The following SGMS2 variants were observed in gnomAD, a reference collection of about 807,000 sequenced individuals.
SGMS2 encodes the protein sphingomyelin synthase 2.
A neutral mutation model predicts 43.8 loss-of-function variants in SGMS2; 21 were observed. That is an observed-to-expected ratio of 0.48 (90% CI 0.34 to 0.69). The LOEUF is 0.69. SGMS2 is among the 30% of genes least tolerant of loss of function. The pLI, the probability that SGMS2 is intolerant of heterozygous loss-of-function variation, is 0.01. For missense variants in SGMS2, 384 were observed against 443.2 expected, an observed-to-expected ratio of 0.87 and a Z score of 1.20; for synonymous variants, 167 against 160.6, an observed-to-expected ratio of 1.04 and a Z score of -0.30.
In SGMS2 at chr4:107,912,809, T is replaced by G. The variant is rs530350273; in HGVS notation, c.*2256T>G. On this transcript the variant is annotated 3_prime_UTR_variant, in exon 7 of 7. Transcript: ENST00000690982. ...AAAAACCATCACCTTTTAAAGAACTTTAAAAACACCTGTGATGCCAATGTG... is the reference window on the plus strand; with the variant it reads ...AAAAACCATCACCTTTTAAAGAACTGTAAAAACACCTGTGATGCCAATGTG... The G allele has an allele frequency of 4.6e-5, 7 of 152,238 alleles. No individual in the cohort carries two copies. The highest frequency in any genetic ancestry group is 1.7e-4 in the African/African-American group (7 of 41,552). The allele number at this position is 152,238 out of a possible 1,614,324, so 9.4% of individuals were successfully genotyped here.
At chr4:107,880,981 C>T (rs369894201) in intron 2 of SGMS2, among the ~76,000 whole-genome samples, 11 of 151,906 alleles carry the variant, frequency 7.2e-5, no homozygotes, top group African/African-American at 2.7e-4. Context: ...AAATTATATA[C>T]CCACGTGTAT....
At chr4:107,829,025 G>T (rs1725747600) in intron 1 of SGMS2, among the ~76,000 whole-genome samples, 1 of 152,202 alleles carries the variant, frequency 6.6e-6, no homozygotes, top group African/African-American at 2.4e-5. Flanking sequence ...GGAGCTCTCT[G>T]AAGGACATTC....
intron 1 of SGMS2, among the ~76,000 whole-genome samples, chr4:107,843,619 G>T (rs1314174993): frequency 1.3e-5 from 2 of 152,128 alleles, no homozygotes; most frequent in Admixed American, 6.6e-5. Flanking sequence ...ACCTGAAAAG[G>T]CTCAAAGATC....
At chr4:107,910,260 T>C in intron 6 of SGMS2, 90 bp from the exon 7 acceptor site, 1 of 1,090,124 alleles carries the variant, frequency 9.2e-7, no homozygotes, top group Non-Finnish European at 1.4e-6. Context: ...CTGTTTTCCC[T>C]AGGTTACAGT....
At chr4:107,891,090 CT>C (rs1338127841) in intron 2 of SGMS2, among the ~76,000 whole-genome samples, 1 of 145,518 alleles carries the variant, frequency 6.9e-6, no homozygotes, top group Non-Finnish European at 1.5e-5. Context: ...AAATTCTTTC[CT>C]TTTTTTTCTT....
intron 2 of SGMS2, among the ~76,000 whole-genome samples, chr4:107,882,575 C>A (rs1448729680): frequency 1.3e-5 from 2 of 151,824 alleles, no homozygotes; most frequent in East Asian, 3.9e-4. Context: ...TTGATTGTTT[C>A]AATTTTTAAA....
intron 1 of SGMS2, among the ~76,000 whole-genome samples, chr4:107,831,109 G>A (rs1228598443): frequency 6.6e-6 from 1 of 152,180 alleles, no homozygotes; most frequent in Non-Finnish European, 1.5e-5. Context: ...AGTAGCCAAG[G>A]GTACAGAGCT....
At chr4:107,849,144 C>T (rs1212687174) in intron 1 of SGMS2, among the ~76,000 whole-genome samples, 3 of 152,078 alleles carry the variant, frequency 2.0e-5, no homozygotes, top group African/African-American at 7.2e-5. Flanking sequence ...TGCTTAATTT[C>T]TGCTTGAGTT....
chr4:107,902,289 C>CAAAAAAAAAAAAAAAAA (rs34388036), intron 4 of SGMS2, among the ~76,000 whole-genome samples: 1 of 124,552 alleles, frequency 8.0e-6, no homozygotes, highest in African/African-American at 3.5e-5. Flanking sequence ...GACCCTGTCT[C>CAAAAAAAAAAAAAAAAA]AAAAAAAAAA....
intron 1 of SGMS2, among the ~76,000 whole-genome samples, chr4:107,829,445 ATCAGT>A (rs1295303118): frequency 6.6e-6 from 1 of 152,190 alleles, no homozygotes; most frequent in Non-Finnish European, 1.5e-5. Context: ...AGATACCCAG[ATCAGT>A]TCACTTTATT....
intron 2 of SGMS2, among the ~76,000 whole-genome samples, chr4:107,887,239 GT>G (rs1363031053): frequency 3.3e-5 from 5 of 152,062 alleles, no homozygotes; most frequent in Non-Finnish European, 7.4e-5. Flanking sequence ...ACCTGTAAGG[GT>G]TTTATAGCTG....
intron 1 of SGMS2, among the ~76,000 whole-genome samples, chr4:107,828,609 A>G (rs1725725959): frequency 6.6e-6 from 1 of 152,202 alleles, no homozygotes; most frequent in African/African-American, 2.4e-5. Flanking sequence ...CACTATTTTA[A>G]GCAGCTCTGC....
chr4:107,877,939 G>A (rs1578589389), intron 2 of SGMS2, among the ~76,000 whole-genome samples: 1 of 103,410 alleles, frequency 9.7e-6, no homozygotes, highest in African/African-American at 4.1e-5. Flanking sequence ...TTTTTGAGAT[G>A]GAGTCTCACT....
chr4:107,831,942 G>A (rs1197468033), intron 1 of SGMS2, among the ~76,000 whole-genome samples: 1 of 152,186 alleles, frequency 6.6e-6, no homozygotes, highest in East Asian at 1.9e-4. Context: ...CCCTCACAGA[G>A]CTTAGGCTTC....
chr4:107,898,422 CTT>C (rs1730849960), intron 3 of SGMS2, among the ~76,000 whole-genome samples: 1 of 152,110 alleles, frequency 6.6e-6, no homozygotes, highest in Admixed American at 6.5e-5. Context: ...TTAGGGAAAA[CTT>C]AAAATATGTC....
chr4:107,878,058 G>T lies in SGMS2; in HGVS notation c.-244-17252G>T, dbSNP rs190602558. 2.9e-3 allele frequency among the ~76,000 whole-genome samples: 445 copies of T among 151,816 alleles called. 1 individual carries two copies. The highest frequency in any genetic ancestry group is 9.9e-3 in the African/African-American group (410 of 41,386). On this transcript the variant is annotated intron_variant, in intron 2 of 6. Coordinates refer to ENST00000690982, the MANE Select transcript of SGMS2 (RefSeq NM_001375905.1). ...AGCCTCCTGAGTAGCTGGGACTACA[G>T]GTGCGCACCACCATGCCCGGCTAAC...
chr4:107,873,620 G>C (rs1479859097), intron 2 of SGMS2, among the ~76,000 whole-genome samples: 3 of 151,782 alleles, frequency 2.0e-5, no homozygotes, highest in Non-Finnish European at 4.4e-5. Flanking sequence ...GTGTTTATTT[G>C]CATACAATAA....
At chr4:107,845,169 G>A (rs1726743614) in intron 1 of SGMS2, among the ~76,000 whole-genome samples, 1 of 152,186 alleles carries the variant, frequency 6.6e-6, no homozygotes, top group Non-Finnish European at 1.5e-5. Flanking sequence ...CCTAGAGATG[G>A]AGTCTTTTGG....
chr4:107,885,792 A>T (rs1729702467), intron 2 of SGMS2, among the ~76,000 whole-genome samples: 1 of 152,240 alleles, frequency 6.6e-6, no homozygotes, highest in Admixed American at 6.5e-5. Flanking sequence ...GTATCCTTAT[A>T]GAATCAGTAA....
Sources: gnomAD v4.1 joint callset for allele counts (sites outside exome capture counted in the v4.1 genomes callset) on GRCh38, gnomAD v4.1.1 for gene constraint, MANE v1.5 for transcripts, NCBI Gene and HGNC (gene_info 2026-07-23, HGNC 2026-07-21) for gene names.